The following PMS1 variants were observed in gnomAD, a reference collection of about 807,000 sequenced individuals.
PMS1 encodes the protein PMS1 protein homolog 1.
In PMS1, 79 loss-of-function variants were observed where a neutral mutation model predicts 93.1. The observed-to-expected ratio is 0.85, with a 90% CI of 0.71 to 1.02. PMS1 has a LOEUF of 1.02. Among genes scored for constraint, PMS1 ranks in the 50% least tolerant of loss-of-function variants. The pLI is 0.00. For missense variants in PMS1, 1,064 were observed against 1,085.3 expected (o/e 0.98, Z 0.28); for synonymous variants, 335 against 363.4 (o/e 0.92, Z 0.89).
At chr2:189,835,716 A>G (rs1416736375) in intron 5 of PMS1, among the ~76,000 whole-genome samples, 4 of 152,118 alleles carry the variant, frequency 2.6e-5, no homozygotes, top group African/African-American at 9.7e-5. Flanking sequence ...GCTTGAGTCC[A>G]GGAGTTCAAG....
chr2:189,834,325 T>C (rs2106381263), intron 5 of PMS1, among the ~76,000 whole-genome samples: 1 of 152,286 alleles, frequency 6.6e-6, no homozygotes. Context: ...AGAAATGAGA[T>C]GAGGCTACGA....
intron 5 of PMS1, among the ~76,000 whole-genome samples, chr2:189,838,159 T>C (rs971410522): frequency 6.6e-6 from 1 of 152,182 alleles, no homozygotes; most frequent in African/African-American, 2.4e-5. Context: ...AGTATATGAA[T>C]TATACCTTAA....
intron 6 of PMS1, among the ~76,000 whole-genome samples, chr2:189,845,042 G>A (rs912577755): frequency 6.6e-6 from 1 of 151,934 alleles, no homozygotes; most frequent in South Asian, 2.1e-4. Flanking sequence ...ATTTTTAGTG[G>A]AGACATCATT....
intron 5 of PMS1, among the ~76,000 whole-genome samples, chr2:189,834,114 A>G (rs980061626): frequency 6.6e-6 from 1 of 152,236 alleles, no homozygotes; most frequent in East Asian, 1.9e-4. Flanking sequence ...CGCCTGCTCC[A>G]TAAGTACTCA....
intron 7 of PMS1, among the ~76,000 whole-genome samples, chr2:189,853,197 G>T (rs374756408): frequency 5.9e-5 from 9 of 151,660 alleles, no homozygotes; most frequent in African/African-American, 1.7e-4. Context: ...GGTATTACAG[G>T]CACCCGCCAC....
At chr2:189,791,989 C>G in intron 2 of PMS1, 48 bp downstream of exon 2, 1 of 1,553,960 alleles carries the variant, frequency 6.4e-7, no homozygotes, top group Non-Finnish European at 8.9e-7. Context: ...AGAAAAGGGT[C>G]TGGACACATG....
chr2:189,870,962 C>T (rs551771722), intron 11 of PMS1, among the ~76,000 whole-genome samples: 2 of 152,284 alleles, frequency 1.3e-5, no homozygotes, highest in East Asian at 3.9e-4. Context: ...AAAGAAATGA[C>T]CACAAGCCTT....
chr2:189,864,971 G>T lies in PMS1; in HGVS notation c.2342+743G>T, dbSNP rs1219525421. Among the ~76,000 whole-genome samples the T allele has an allele frequency of 2.0e-5, 3 of 151,144 alleles. No homozygotes were observed. In the East Asian group the frequency reaches 5.8e-4, roughly 29 times the overall value. ...CATACCTTTATCAGTAATTATCCAA[G>T]ACTTTGCCACATTTGCTTTACCTTT... On this transcript the variant is annotated intron_variant, in intron 10 of 12. Transcript: ENST00000441310.
chr2:189,823,253 ATTTTAT>A (rs1302261110), intron 5 of PMS1, among the ~76,000 whole-genome samples: 1 of 151,510 alleles, frequency 6.6e-6, no homozygotes, highest in African/African-American at 2.4e-5. Context: ...TTCTGCTTAG[ATTTTAT>A]TTTTATTTTT....
chr2:189,811,442 C>T (rs745747332), intron 4 of PMS1, among the ~76,000 whole-genome samples: 6 of 151,782 alleles, frequency 4.0e-5, no homozygotes, highest in Non-Finnish European at 8.8e-5. Context: ...ACAAAAATTA[C>T]CCAATTTTTT....
rs956212305 is a variant in PMS1 at position 189,803,886 on chromosome 2, GT to G, written c.316-1757del. Among the ~76,000 whole-genome samples, 5 of 151,240 alleles carry G rather than the reference GT, an allele frequency of 3.3e-5. No individual in the cohort carries two copies. In the South Asian group the frequency reaches 6.3e-4, roughly 19 times the overall value. On this transcript the variant is annotated intron_variant, in intron 3 of 12. Coordinates refer to ENST00000441310, the MANE Select transcript of PMS1 (RefSeq NM_000534.5). ...AAATTTTAATGTTGGAAAATAGAGG[GT>G]TTTTTTTTACTTTAACATAAATGTT...
intron 2 of PMS1, among the ~76,000 whole-genome samples, chr2:189,792,688 A>AATATATATATATATATATATATATATAT (rs3067428): frequency 7.9e-6 from 1 of 127,258 alleles, no homozygotes; most frequent in African/African-American, 2.9e-5. Flanking sequence ...TATGGACACA[A>AATATATATATATATATATATATATATAT]ATATATATAT....
intron 12 of PMS1, among the ~76,000 whole-genome samples, chr2:189,876,773 T>TC (rs2106557922): frequency 7.0e-6 from 1 of 142,688 alleles, no homozygotes; most frequent in Non-Finnish European, 1.5e-5. Flanking sequence ...GTGCCCACTT[T>TC]TTTTTTTTTT....
chr2:189,802,439 AG>A (rs1407412240), intron 3 of PMS1, among the ~76,000 whole-genome samples: 4 of 152,220 alleles, frequency 2.6e-5, no homozygotes, highest in African/African-American at 9.6e-5. Context: ...GTTCATGTTG[AG>A]TAGGCTAAGG....
At chr2:189,865,437 T>G (rs747899068) in intron 10 of PMS1, among the ~76,000 whole-genome samples, 1 of 152,180 alleles carries the variant, frequency 6.6e-6, no homozygotes, top group Non-Finnish European at 1.5e-5. Context: ...ATGAATCTAC[T>G]TAATAGGTTG....
At chr2:189,864,690 ATATATATAT>A (rs2056468801) in intron 10 of PMS1, among the ~76,000 whole-genome samples, 9 of 8,392 alleles carry the variant, frequency 1.1e-3, no homozygotes, top group African/African-American at 1.7e-3. Flanking sequence ...AAAAAAAAAT[ATATATATAT>A]ATATATATAT....
At position 189,805,736 on chromosome 2, in the gene PMS1, C is replaced by G; in HGVS notation, c.400C>G (p.Pro134Ala). Residue 134 changes from proline (P) to alanine (A), a missense_variant, in exon 4 of 13, where the codon CCT becomes GCT. By Grantham distance (27) the Pro-to-Ala change is conservative. Transcript: ENST00000441310. ...CAGTGGCCACATACTTTCTCAGAAA[C>G]CTTCACATCTTGGTCAAGGTAAGAA... ...DGSGHILSQK[P>A]SHLGQGTTVT... 6.2e-7 allele frequency: 1 copy of G among 1,613,780 alleles called. No homozygotes were observed. Among genetic ancestry groups the G allele is most frequent in the Non-Finnish European group, 8.5e-7 (1 of 1,179,876 alleles).
intron 5 of PMS1, among the ~76,000 whole-genome samples, chr2:189,820,312 T>TC (rs2051717980): frequency 6.6e-6 from 1 of 152,158 alleles, no homozygotes; most frequent in Non-Finnish European, 1.5e-5. Flanking sequence ...CTTTTTTTTT[T>TC]CTTTCCTTTT....
chr2:189,838,540 C>G (rs1359077200), intron 5 of PMS1, among the ~76,000 whole-genome samples: 2 of 152,128 alleles, frequency 1.3e-5, no homozygotes, highest in Non-Finnish European at 2.9e-5. Context: ...ATTCCAGTTT[C>G]CCAGGTCAGA....
Sources: allele counts gnomAD v4.1 joint callset (sites outside exome capture counted in the v4.1 genomes callset), GRCh38; gene constraint gnomAD v4.1.1; transcripts MANE v1.5; gene names NCBI Gene and HGNC (gene_info 2026-07-23, HGNC 2026-07-21).